The following CACNA1C variants were observed in gnomAD, a reference collection of about 807,000 sequenced individuals.
The protein encoded by CACNA1C is voltage-dependent L-type calcium channel subunit alpha-1C.
Under a neutral mutation model 229.0 loss-of-function variants are expected in CACNA1C, and 30 were observed. That is an observed-to-expected ratio of 0.13 (90% CI 0.10 to 0.18). CACNA1C has a LOEUF of 0.18. CACNA1C is among the 10% of genes least tolerant of loss of function. CACNA1C has a pLI of 1.00. For missense variants in CACNA1C, 1,658 were observed against 2,845.0 expected (o/e 0.58, Z 9.49); for synonymous variants, 1,114 against 1,132.5 (o/e 0.98, Z 0.33).
intron 29 of CACNA1C, among the ~76,000 whole-genome samples, chr12:2,622,396 A>G (rs1055335068): frequency 5.9e-5 from 9 of 152,164 alleles, no homozygotes; most frequent in Admixed American, 5.2e-4. Context: ...TTCAGTGTGC[A>G]CCTTTACCCT....
chr12:2,289,871 C>T (rs576728154), intron 3 of CACNA1C, among the ~76,000 whole-genome samples: 6 of 152,242 alleles, frequency 3.9e-5, no homozygotes, highest in East Asian at 3.9e-4. Context: ...AGAGGAAATT[C>T]GCGTCAAGTC....
intron 10 of CACNA1C, among the ~76,000 whole-genome samples, chr12:2,556,351 C>G (rs1157489600): frequency 6.6e-6 from 1 of 152,160 alleles, no homozygotes; most frequent in African/African-American, 2.4e-5. Context: ...TGAGCTTCTG[C>G]CCAGAGGTCC....
At chr12:2,564,308 T>C (rs1248354290) in intron 11 of CACNA1C, among the ~76,000 whole-genome samples, 1 of 152,204 alleles carries the variant, frequency 6.6e-6, no homozygotes, top group Non-Finnish European at 1.5e-5. Flanking sequence ...GACCCACTAA[T>C]GGGCTGCAGT....
At chr12:2,617,433 G>A (rs917001381) in intron 29 of CACNA1C, among the ~76,000 whole-genome samples, 8 of 152,212 alleles carry the variant, frequency 5.3e-5, no homozygotes, top group African/African-American at 1.4e-4. Context: ...CCTGGAGTTC[G>A]TGTGCCAAAA....
At chr12:1,972,927 G>GCGTCA (rs2032974139) in intron 1 of CACNA1C, among the ~76,000 whole-genome samples, 2 of 152,202 alleles carry the variant, frequency 1.3e-5, no homozygotes, top group South Asian at 2.1e-4. Context: ...AAACACTCGA[G>GCGTCA]CAGCAATGAC....
intron 1 of CACNA1C, among the ~76,000 whole-genome samples, chr12:2,023,792 A>T (rs1444076967): frequency 6.6e-6 from 1 of 152,034 alleles, no homozygotes; most frequent in East Asian, 1.9e-4. Flanking sequence ...AAAAGGACAG[A>T]TGTAACATGG....
intron 3 of CACNA1C, among the ~76,000 whole-genome samples, chr12:2,337,946 C>T (rs2096749431): frequency 1.3e-5 from 2 of 152,196 alleles, no homozygotes; most frequent in Non-Finnish European, 2.9e-5. Flanking sequence ...CAGGCAGCCC[C>T]CAGGCAGATC....
chr12:2,492,280 A>G (rs2099737075), intron 6 of CACNA1C, among the ~76,000 whole-genome samples: 1 of 152,204 alleles, frequency 6.6e-6, no homozygotes. Context: ...GCTGGGAGCT[A>G]TTCCCAGCAC....
At chr12:2,148,765 CA>C (rs977087088) in intron 3 of CACNA1C, among the ~76,000 whole-genome samples, 9 of 147,888 alleles carry the variant, frequency 6.1e-5, no homozygotes, top group African/African-American at 1.9e-4. Flanking sequence ...AAGCTGGTCT[CA>C]AACTCCCGGG....
At chr12:1,995,285 T>C (rs2040528709) in intron 1 of CACNA1C, among the ~76,000 whole-genome samples, 1 of 152,272 alleles carries the variant, frequency 6.6e-6, no homozygotes, top group Admixed American at 6.5e-5. Flanking sequence ...TTTCTGTCAC[T>C]TCTCCAAAGA....
chr12:2,655,102 T>TA (rs2095343638), intron 33 of CACNA1C, 45 bp from the exon 34 acceptor site: 1 of 1,184,378 alleles, frequency 8.4e-7, no homozygotes, highest in African/African-American at 1.5e-5. Flanking sequence ...ATTAGGACCC[T>TA]ATCTGTCCAC....
At position 2,605,622 on chromosome 12, in the gene CACNA1C, A is replaced by G. The variant is rs2074971254; in HGVS notation, c.3049-57A>G. On this transcript the variant is annotated intron_variant, in intron 23 of 46. Coordinates refer to ENST00000399655, the MANE Select transcript of CACNA1C (RefSeq NM_000719.7). This position sits in a 1 kb window ranked among gnomAD's most constrained non-coding sequence, Gnocchi z 6.2. ...ACGGGCTGCCCCTGCTACCTCCTGG[A>G]AAGGCTCCTGGCATCTCCTGAAGCC... The G allele has an allele frequency of 1.5e-6, 2 of 1,326,480 alleles. No individual in the cohort carries two copies. Among genetic ancestry groups the G allele is most frequent in the Non-Finnish European group, 1.1e-6 (1 of 919,418 alleles). The allele number at this position is 1,326,480 out of a possible 1,614,324, so 82.2% of individuals were successfully genotyped here. A position where few individuals can be genotyped will look rare whatever the true frequency, so the allele number is the denominator to read the frequency against.
chr12:2,017,746 T>C (rs1211198718), intron 1 of CACNA1C, among the ~76,000 whole-genome samples: 1 of 151,992 alleles, frequency 6.6e-6, no homozygotes, highest in Non-Finnish European at 1.5e-5. Flanking sequence ...ACTGTGATAG[T>C]GAGAGGACTG....
chr12:2,049,096 AC>A (rs2051623545), upstream of CACNA1C: 1 of 152,212 alleles, frequency 6.6e-6, no homozygotes, highest in South Asian at 2.1e-4. Context: ...TTTCCACGTT[AC>A]TAATATTCTT....
At chr12:2,309,267 T>G (rs1400000945) in intron 3 of CACNA1C, among the ~76,000 whole-genome samples, 2 of 152,134 alleles carry the variant, frequency 1.3e-5, no homozygotes, top group African/African-American at 4.8e-5. Flanking sequence ...GTGATCTCAA[T>G]TGTATGTGGA....
rs2070134146 is a variant in CACNA1C, at chr12:2,090,309, ACTTT to A, written c.50-24914_50-24911del. On this transcript the variant is annotated intron_variant, in intron 1 of 46. Coordinates refer to ENST00000399655, the MANE Select transcript of CACNA1C (RefSeq NM_000719.7). ...TAATAGTCCATTTTATGGATAGACT[ACTTT>A]TTTTTTTTTTTTTTTTTTTTTTGAG... 1.1e-4 allele frequency among the ~76,000 whole-genome samples: 11 copies of A among 98,608 alleles called. No homozygotes were observed. The South Asian group carries it at 3.7e-3, about 33-fold the overall frequency. 64.7% of individuals were successfully genotyped at this position (98,608 alleles called of 152,430 possible).
At chr12:2,193,736 G>T (rs577644255) in intron 3 of CACNA1C, among the ~76,000 whole-genome samples, 1 of 152,362 alleles carries the variant, frequency 6.6e-6, no homozygotes. Context: ...CCTCTGCCCT[G>T]ACACCTCCAG....
upstream of CACNA1C, chr12:1,970,842 T>C (rs10774009): frequency 0.99 from 279,416 of 283,262 alleles, 137,829 homozygotes; most frequent in East Asian, 1. Context: ...AAGAATCAAG[T>C]AAGAAGGTGT....
chr12:2,265,893 T>G (rs1483614888), intron 3 of CACNA1C, among the ~76,000 whole-genome samples: 1 of 152,232 alleles, frequency 6.6e-6, no homozygotes, highest in Non-Finnish European at 1.5e-5. Flanking sequence ...TGGTTCCCAG[T>G]GTATTTTTAA....
Sources: allele counts gnomAD v4.1 joint callset (sites outside exome capture counted in the v4.1 genomes callset), GRCh38; gene constraint gnomAD v4.1.1; non-coding constraint Gnocchi (gnomAD v3.1); transcripts MANE v1.5; gene names NCBI Gene and HGNC (gene_info 2026-07-23, HGNC 2026-07-21).